The following MRPL1 variants were observed in gnomAD, a reference collection of about 807,000 sequenced individuals.
The protein encoded by MRPL1 is large ribosomal subunit protein uL1m.
Under a neutral mutation model 38.0 loss-of-function variants are expected in MRPL1, and 28 were observed. That is an observed-to-expected ratio of 0.74 (90% CI 0.55 to 1.01). The LOEUF is 1.01. MRPL1 is among the 50% of genes least tolerant of loss of function. The pLI is 0.00. For synonymous variants in MRPL1, 123 were observed against 126.7 expected, an observed-to-expected ratio of 0.97 and a Z score of 0.20; for missense variants, 358 against 389.8, an observed-to-expected ratio of 0.92 and a Z score of 0.69.
chr4:77,885,296 A>T lies in MRPL1; in HGVS notation c.443A>T (p.Tyr148Phe), dbSNP rs1735649205. 6.2e-7 allele frequency: 1 copy of T among 1,614,012 alleles called. No homozygotes were observed. Among genetic ancestry groups the T allele is most frequent in the Admixed American group, 1.7e-5 (1 of 60,018 alleles). ...EPFTSVLSLP[Y>F]PFASEINKVA... The stretch of plus-strand genomic sequence containing the variant: ...TTTACCAGTGTTCTTAGTTTGCCAT[A>T]CCCATTTGCTTCCGAAATCAATAAA... Residue 148 changes from tyrosine to phenylalanine, a missense_variant, in exon 4 of 9, where the codon TAC becomes TTC. Coordinates refer to ENST00000315567, the MANE Select transcript of MRPL1 (RefSeq NM_020236.4).
rs546672088 is a variant in MRPL1 at position 77,874,781 on chromosome 4, T to TC, written c.143+2927dup. Among the ~76,000 whole-genome samples, 897 of 144,634 alleles carry TC rather than the reference T, an allele frequency of 6.2e-3. 7 individuals are homozygous for TC. Among genetic ancestry groups the TC allele is most frequent in the Non-Finnish European group, 9.7e-3 (647 of 66,974 alleles). 94.9% of individuals were successfully genotyped at this position (144,634 alleles called of 152,430 possible). ...TTTAAGAGCCACTTATATTTTCTTT[T>TC]CTTTTTTTTTTTTTTTTGAGGTGAA... is the stretch of plus-strand genomic sequence containing the variant. On this transcript the variant is annotated intron_variant, in intron 2 of 8. Transcript: ENST00000315567.
At chr4:77,907,055 G>A (rs1736174840) in intron 6 of MRPL1, 7 of 985,346 alleles carry the variant, frequency 7.1e-6, no homozygotes, top group East Asian at 2.3e-4. Flanking sequence ...AGGGTATGCC[G>A]TGCTCTCTAT....
chr4:77,891,357 T>G (rs1402748788), intron 5 of MRPL1, among the ~76,000 whole-genome samples: 1 of 150,302 alleles, frequency 6.7e-6, no homozygotes, highest in Non-Finnish European at 1.5e-5. Context: ...TTGTTTTTTT[T>G]TTTTTTCATT....
intron 7 of MRPL1, among the ~76,000 whole-genome samples, chr4:77,946,887 C>G (rs1737282563): frequency 6.6e-6 from 1 of 151,884 alleles, no homozygotes. Flanking sequence ...AGACTAAGTT[C>G]TTTGTGTGCA....
intron 3 of MRPL1, 30 bp from the exon 4 acceptor site, chr4:77,885,226 C>T (rs564332711): frequency 2.2e-5 from 33 of 1,498,702 alleles, no homozygotes; most frequent in African/African-American, 8.2e-5. Context: ...ATTAACTTTA[C>T]GTAATTATTT....
At chr4:77,862,987 G>T in intron 1 of MRPL1, 108 bp downstream of exon 1, 1 of 1,385,800 alleles carries the variant, frequency 7.2e-7, no homozygotes, top group Non-Finnish European at 1.0e-6. Context: ...GCCTCGTGCT[G>T]TTTCTGGTCT....
At position 77,907,784 on chromosome 4, in the gene MRPL1, G is replaced by A. The variant is rs967974342; in HGVS notation, c.671-1482G>A. 2.6e-5 allele frequency among the ~76,000 whole-genome samples: 4 copies of A among 152,062 alleles called. 1 individual carries two copies. Among genetic ancestry groups the A allele is most frequent in the African/African-American group, 4.8e-5 (2 of 41,466 alleles). On this transcript the variant is annotated intron_variant, in intron 6 of 8. Transcript: ENST00000315567. ...TCGCCGTGTTGGCCAGGCTGGTCTCGAACTCCCAACCTCAAGTAATCTGCC... is the reference window on the plus strand; with the variant it reads ...TCGCCGTGTTGGCCAGGCTGGTCTCAAACTCCCAACCTCAAGTAATCTGCC...
At chr4:77,938,184 C>G (rs1264403408) in intron 7 of MRPL1, among the ~76,000 whole-genome samples, 1 of 152,144 alleles carries the variant, frequency 6.6e-6, no homozygotes, top group Admixed American at 6.6e-5. Flanking sequence ...TATGTATTGT[C>G]TATGATTTCT....
intron 5 of MRPL1, among the ~76,000 whole-genome samples, 191 bp downstream of exon 5, chr4:77,887,482 A>C (rs1735707579): frequency 1.3e-5 from 2 of 152,212 alleles, no homozygotes; most frequent in South Asian, 4.1e-4. Context: ...CTATCCAGAC[A>C]GTCTGATTTT....
chr4:77,876,034 A>G (rs1735380961), intron 2 of MRPL1, among the ~76,000 whole-genome samples: 1 of 152,122 alleles, frequency 6.6e-6, no homozygotes, highest in Non-Finnish European at 1.5e-5. Context: ...GTGCAGTGGC[A>G]TGATCTCAGC....
intron 7 of MRPL1, among the ~76,000 whole-genome samples, chr4:77,936,814 G>A (rs966182781): frequency 6.6e-6 from 1 of 152,062 alleles, no homozygotes; most frequent in African/African-American, 2.4e-5. Flanking sequence ...GTACGAATGT[G>A]GCATTGTTTA....
At chr4:77,939,735 G>A (rs1737073379) in intron 7 of MRPL1, among the ~76,000 whole-genome samples, 1 of 152,198 alleles carries the variant, frequency 6.6e-6, no homozygotes, top group African/African-American at 2.4e-5. Context: ...GAGAGATGAG[G>A]ATCCAGTTTT....
intron 7 of MRPL1, among the ~76,000 whole-genome samples, chr4:77,941,189 C>G (rs536736742): frequency 1.3e-5 from 2 of 151,444 alleles, no homozygotes; most frequent in Non-Finnish European, 2.9e-5. Context: ...CACTTGAACC[C>G]GGGAGGCAGT....
intron 4 of MRPL1, among the ~76,000 whole-genome samples, chr4:77,886,523 G>A (rs1389249825): frequency 3.3e-5 from 5 of 151,960 alleles, no homozygotes; most frequent in Non-Finnish European, 7.4e-5. Flanking sequence ...TAGTAGAGAC[G>A]GGGTTTCTCC....
chr4:77,876,768 C>T (rs576131530), intron 2 of MRPL1, among the ~76,000 whole-genome samples: 1 of 152,168 alleles, frequency 6.6e-6, no homozygotes, highest in African/African-American at 2.4e-5. Flanking sequence ...GCTCTCCCCT[C>T]TACCCTGTGT....
chr4:77,937,014 A>G (rs937191636), intron 7 of MRPL1, among the ~76,000 whole-genome samples: 3 of 152,056 alleles, frequency 2.0e-5, no homozygotes, highest in African/African-American at 7.2e-5. Context: ...GGTCCTGGCT[A>G]CTTGAGAGGC....
Position 77,863,461 on chromosome 4 carries a change from A to ATTTTTTTTTTTTTTTTTTTTTTTTTTTTT in MRPL1, c.31+603_31+604insTTTTTTTTTTTTTTTTTTTTTTTTTTTTT, listed in dbSNP as rs969402527. Among the ~76,000 whole-genome samples the ATTTTTTTTTTTTTTTTTTTTTTTTTTTTT allele has an allele frequency of 3.3e-4, 37 of 112,660 alleles. 3 individuals are homozygous for ATTTTTTTTTTTTTTTTTTTTTTTTTTTTT. Among genetic ancestry groups the ATTTTTTTTTTTTTTTTTTTTTTTTTTTTT allele is most frequent in the African/African-American group, 4.6e-4 (12 of 26,134 alleles). 73.9% of individuals were successfully genotyped at this position (112,660 alleles called of 152,430 possible). Reference sequence around the variant, plus strand: ...GATGACAGCCCTTTCTTGTGCAACAATTTTTTTTTTTTTTTTTTTTTGAGA... The same window carrying ATTTTTTTTTTTTTTTTTTTTTTTTTTTTT: ...GATGACAGCCCTTTCTTGTGCAACAATTTTTTTTTTTTTTTTTTTTTTTTTTTTTTTTTTTTTTTTTTTTTTTTTTGAGA... On this transcript the variant is annotated intron_variant, in intron 1 of 8. Transcript: ENST00000315567.
intron 6 of MRPL1, among the ~76,000 whole-genome samples, chr4:77,904,027 C>T (rs1042413359): frequency 7.9e-5 from 12 of 151,660 alleles, no homozygotes; most frequent in South Asian, 4.2e-4. Context: ...AGGACGGTTT[C>T]GTGAGTTCAG....
At chr4:77,914,223 C>G (rs1023120854) in intron 7 of MRPL1, among the ~76,000 whole-genome samples, 8 of 152,016 alleles carry the variant, frequency 5.3e-5, no homozygotes, top group Non-Finnish European at 8.8e-5. Context: ...ACAGAAACTA[C>G]TTGCTGTATG....
Sources: gnomAD v4.1 joint callset for allele counts (sites outside exome capture counted in the v4.1 genomes callset) on GRCh38, gnomAD v4.1.1 for gene constraint, MANE v1.5 for transcripts, NCBI Gene and HGNC (gene_info 2026-07-23, HGNC 2026-07-21) for gene names.